TSPAN18: variants seen among roughly 807,000 people sequenced by gnomAD.
TSPAN18 encodes the protein tetraspanin-18.
In TSPAN18, 14 loss-of-function variants were observed where a neutral mutation model predicts 27.3. That is an observed-to-expected ratio of 0.51 (90% CI 0.34 to 0.80). The LOEUF is 0.80. Among genes scored for constraint, TSPAN18 ranks in the 30% least tolerant of loss-of-function variants. The probability of loss-of-function intolerance (pLI) is 0.01; values close to 1 mark genes in which losing one functional copy is unlikely to be tolerated. For synonymous variants in TSPAN18, 143 were observed against 136.5 expected (o/e 1.05, Z -0.33); for missense variants, 268 against 323.9 (o/e 0.83, Z 1.32).
Position 44,906,416 on chromosome 11 carries a change from C to T in TSPAN18, c.-1C>T, listed in dbSNP as rs779788663. 7.4e-6 allele frequency: 12 copies of T among 1,614,166 alleles called. No individual in the cohort carries two copies. In the Admixed American group the frequency reaches 2.0e-4, roughly 27 times the overall value. ...GGCCTTGTATTTCTAGGTGGAGCAC[C>T]ATGGAAGGCGACTGTCTGAGCTGCA... On this transcript the variant is annotated 5_prime_UTR_variant, in exon 4 of 10. Coordinates refer to ENST00000520358, the MANE Select transcript of TSPAN18 (RefSeq NM_130783.5).
chr11:44,754,802 C>T (rs1855294065), intron 1 of TSPAN18, among the ~76,000 whole-genome samples: 1 of 152,182 alleles, frequency 6.6e-6, no homozygotes, highest in Non-Finnish European at 1.5e-5. Context: ...AGTGGATAGT[C>T]CTTGTCCTTA....
At chr11:44,919,399 C>G in intron 7 of TSPAN18, 87 bp downstream of exon 7, 1 of 1,137,666 alleles carries the variant, frequency 8.8e-7, no homozygotes, top group Non-Finnish European at 1.3e-6. Context: ...GTAATCAATC[C>G]AGGCACTCTC....
intron 2 of TSPAN18, among the ~76,000 whole-genome samples, chr11:44,814,996 A>G (rs1447502690): frequency 1.3e-5 from 2 of 152,222 alleles, no homozygotes; most frequent in African/African-American, 4.8e-5. Flanking sequence ...CACTATGCAG[A>G]GAGCTGGCAG....
At chr11:44,773,142 C>T (rs77242053) in intron 2 of TSPAN18, among the ~76,000 whole-genome samples, 43 of 152,044 alleles carry the variant, frequency 2.8e-4, no homozygotes, top group African/African-American at 8.9e-4. Flanking sequence ...ACTGGCCAGG[C>T]GCGGTGGCTC....
chr11:44,757,623 G>C (rs1855362305), intron 1 of TSPAN18, among the ~76,000 whole-genome samples: 1 of 152,284 alleles, frequency 6.6e-6, no homozygotes, highest in Middle Eastern at 3.4e-3. Context: ...GGGCTCAAGA[G>C]ATCTGCCCAT....
intron 2 of TSPAN18, among the ~76,000 whole-genome samples, chr11:44,790,166 CATGTGTGTGT>C (rs1856161391): frequency 6.7e-6 from 1 of 148,480 alleles, no homozygotes; most frequent in South Asian, 2.2e-4. Flanking sequence ...TGTGTGTGTG[CATGTGTGTGT>C]GTGCGCATAT....
At chr11:44,890,805 A>G (rs1858823122) in intron 3 of TSPAN18, among the ~76,000 whole-genome samples, 2 of 152,008 alleles carry the variant, frequency 1.3e-5, no homozygotes, top group African/African-American at 4.8e-5. Flanking sequence ...TATTAGATCC[A>G]TCACTAGATC....
At chr11:44,740,880 G>T (rs1854916824) in intron 1 of TSPAN18, among the ~76,000 whole-genome samples, 1 of 152,220 alleles carries the variant, frequency 6.6e-6, no homozygotes, top group South Asian at 2.1e-4. Context: ...CTGCCTTCCA[G>T]GTTCAAGCGA....
chr11:44,767,742 A>G lies in TSPAN18; in HGVS notation c.-153+3230A>G, dbSNP rs138106509. Among the ~76,000 whole-genome samples, 17 of 152,310 alleles carry G rather than the reference A, an allele frequency of 1.1e-4. No homozygotes were observed. In the East Asian group the frequency reaches 2.9e-3, roughly 26 times the overall value. ...TCTAAGAGTTTTATTTAGCTCCTATATTTAGGTCATAGATTCTTTTTGAGT... is the reference window on the plus strand; with the variant it reads ...TCTAAGAGTTTTATTTAGCTCCTATGTTTAGGTCATAGATTCTTTTTGAGT... On this transcript the variant is annotated intron_variant, in intron 2 of 9. Coordinates refer to ENST00000520358, the MANE Select transcript of TSPAN18 (RefSeq NM_130783.5).
chr11:44,925,135 A>G (rs930423083), intron 8 of TSPAN18, among the ~76,000 whole-genome samples: 9 of 152,218 alleles, frequency 5.9e-5, no homozygotes, highest in Non-Finnish European at 8.8e-5. Flanking sequence ...CTGAAGGTTC[A>G]ATTAAGACCT....
At chr11:44,776,340 G>A (rs1370682646) in intron 2 of TSPAN18, among the ~76,000 whole-genome samples, 1 of 152,190 alleles carries the variant, frequency 6.6e-6, no homozygotes, top group African/African-American at 2.4e-5. Context: ...AGACAGCTGT[G>A]GTATTGGCCC....
intron 2 of TSPAN18, among the ~76,000 whole-genome samples, chr11:44,842,646 C>G (rs1857396823): frequency 6.6e-6 from 1 of 152,140 alleles, no homozygotes. Context: ...TCCTTGAATT[C>G]CAGCATTAGA....
At chr11:44,768,065 A>G (rs946384772) in intron 2 of TSPAN18, among the ~76,000 whole-genome samples, 2 of 152,116 alleles carry the variant, frequency 1.3e-5, no homozygotes, top group African/African-American at 4.8e-5. Flanking sequence ...TTCTCTTTCA[A>G]TTTTTGATTG....
chr11:44,738,089 T>C (rs1224362806), intron 1 of TSPAN18, among the ~76,000 whole-genome samples: 1 of 152,208 alleles, frequency 6.6e-6, no homozygotes, highest in East Asian at 1.9e-4. Context: ...GCAGGGGCAG[T>C]GCCTGTCTGT....
At chr11:44,899,126 G>A (rs897731279) in intron 3 of TSPAN18, among the ~76,000 whole-genome samples, 17 of 152,158 alleles carry the variant, frequency 1.1e-4, no homozygotes, top group Admixed American at 9.8e-4. Flanking sequence ...GTGCTTTCCG[G>A]GTACAAACAG....
chr11:44,796,848 C>G (rs1181300838), intron 2 of TSPAN18, among the ~76,000 whole-genome samples: 2 of 152,100 alleles, frequency 1.3e-5, no homozygotes, highest in Admixed American at 1.3e-4. Flanking sequence ...TCTGCAAGGA[C>G]TTTCTCAAGC....
intron 1 of TSPAN18, among the ~76,000 whole-genome samples, chr11:44,734,054 T>G (rs1049299201): frequency 2.9e-4 from 44 of 152,188 alleles, no homozygotes; most frequent in Middle Eastern, 3.4e-3. Flanking sequence ...GAGAGCTGAT[T>G]GTTAAAGAGC....
At chr11:44,871,565 C>T (rs569140251) in intron 3 of TSPAN18, among the ~76,000 whole-genome samples, 1 of 152,310 alleles carries the variant, frequency 6.6e-6, no homozygotes, top group Non-Finnish European at 1.5e-5. Context: ...AGGGAGCTTA[C>T]CACCTTACCT....
chr11:44,853,714 G>A (rs1364484335), intron 2 of TSPAN18, among the ~76,000 whole-genome samples: 2 of 152,192 alleles, frequency 1.3e-5, no homozygotes, highest in Non-Finnish European at 2.9e-5. Context: ...CCACAGGCCT[G>A]CAGGAGCCTG....
Sources: allele counts gnomAD v4.1 joint callset (sites outside exome capture counted in the v4.1 genomes callset), GRCh38; gene constraint gnomAD v4.1.1; transcripts MANE v1.5; gene names NCBI Gene and HGNC (gene_info 2026-07-23, HGNC 2026-07-21).